CHSY3: variants seen among roughly 807,000 people sequenced by gnomAD.
The protein encoded by CHSY3 is chondroitin sulfate synthase 3, also known as N-acetylgalactosaminyl-proteoglycan 3-beta-glucuronosyltransferase 3.
A neutral mutation model predicts 67.2 loss-of-function variants in CHSY3; 35 were observed. The ratio of observed to expected loss-of-function variants is 0.52; its 90% confidence interval spans 0.40 to 0.69. The LOEUF is 0.69. CHSY3 is among the 30% of genes least tolerant of loss of function. CHSY3 has a pLI of 0.00. For missense variants in CHSY3, 1,069 were observed against 1,138.5 expected, an observed-to-expected ratio of 0.94 and a Z score of 0.88; for synonymous variants, 474 against 434.7, an observed-to-expected ratio of 1.09 and a Z score of -1.12.
chr5:129,967,383 T>C (rs929905141), intron 2 of CHSY3, among the ~76,000 whole-genome samples: 2 of 151,902 alleles, frequency 1.3e-5, no homozygotes, highest in African/African-American at 4.8e-5. Context: ...ATATATATGC[T>C]TATCTTGTTT....
rs548706016 is a variant in CHSY3 at position 130,010,490 on chromosome 5, G to A, written c.1086+102130G>A. Among the ~76,000 whole-genome samples, 9 of 152,278 alleles carry A rather than the reference G, an allele frequency of 5.9e-5. No homozygotes were observed. In the East Asian group the frequency reaches 1.5e-3, roughly 26 times the overall value. On this transcript the variant is annotated intron_variant, in intron 2 of 2. Transcript: ENST00000305031. ...TGTGACACAGCTAACACAGTGTTAA[G>A]AGGAAAGGTGATAGCACTAAGTGCA... is the stretch of plus-strand genomic sequence containing the variant.
intron 2 of CHSY3, among the ~76,000 whole-genome samples, chr5:130,097,584 G>A (rs1022855068): frequency 3.3e-5 from 5 of 152,210 alleles, no homozygotes; most frequent in South Asian, 4.1e-4. Context: ...ACACTGGTCT[G>A]ACTTTTTAGT....
At chr5:130,026,866 A>G (rs1404966626) in intron 2 of CHSY3, among the ~76,000 whole-genome samples, 1 of 152,124 alleles carries the variant, frequency 6.6e-6, no homozygotes, top group East Asian at 1.9e-4. Context: ...ACTTTTCTGT[A>G]ATTTGAGATA....
At chr5:130,147,749 G>A (rs1275871852) in intron 2 of CHSY3, among the ~76,000 whole-genome samples, 1 of 152,134 alleles carries the variant, frequency 6.6e-6, no homozygotes, top group African/African-American at 2.4e-5. Context: ...TGGAAAAGCA[G>A]GAATGAGAGC....
At chr5:130,127,845 T>A (rs976019489) in intron 2 of CHSY3, among the ~76,000 whole-genome samples, 5 of 152,160 alleles carry the variant, frequency 3.3e-5, no homozygotes, top group Admixed American at 2.6e-4. Flanking sequence ...TTATTATGAT[T>A]ATGCACTATT....
intron 2 of CHSY3, among the ~76,000 whole-genome samples, chr5:129,977,700 A>G (rs1762853848): frequency 6.6e-6 from 1 of 152,152 alleles, no homozygotes; most frequent in Non-Finnish European, 1.5e-5. Flanking sequence ...AGTAAAAAAT[A>G]TCAAGTTTTA....
intron 2 of CHSY3, among the ~76,000 whole-genome samples, chr5:130,106,376 G>A (rs1442857811): frequency 1.3e-5 from 2 of 151,608 alleles, no homozygotes; most frequent in Non-Finnish European, 3.0e-5. Flanking sequence ...ACTCCCAGCA[G>A]TACAGGAGAA....
At chr5:130,010,928 A>G (rs1386036899) in intron 2 of CHSY3, among the ~76,000 whole-genome samples, 1 of 101,408 alleles carries the variant, frequency 9.9e-6, no homozygotes. Flanking sequence ...AGAACTAGAA[A>G]GAAATTAAAA....
At chr5:130,075,376 A>G (rs1204515541) in intron 2 of CHSY3, among the ~76,000 whole-genome samples, 1 of 152,170 alleles carries the variant, frequency 6.6e-6, no homozygotes, top group African/African-American at 2.4e-5. Flanking sequence ...CTAGTCATAT[A>G]TTATATACTT....
At chr5:130,004,374 T>C (rs1011718107) in intron 2 of CHSY3, among the ~76,000 whole-genome samples, 5 of 152,202 alleles carry the variant, frequency 3.3e-5, no homozygotes, top group Non-Finnish European at 1.5e-5. Context: ...TATATTTGAG[T>C]ATAAGTGATA....
In CHSY3 at chr5:130,184,602, T is replaced by G. The variant is rs754280436; in HGVS notation, c.1460T>G (p.Leu487Arg). The change falls in exon 3 of 3, where the codon CTC becomes CGC. Residue 487 changes from leucine (L) to arginine (R), a missense_variant. Leu to Arg is a moderately radical substitution (Grantham distance 102, BLOSUM62 -2). This residue lies in a region of CHSY3 where 401 missense variants were observed against 395.2 expected (regional missense o/e 1.01). Coordinates refer to ENST00000305031, the MANE Select transcript of CHSY3 (RefSeq NM_175856.5). Reference sequence around the variant, plus strand: ...GAGAACCAGCCCCCTCGACAGAGCCTCAGTAGCATTTTAAGAACAGCACTG... The same window carrying G: ...GAGAACCAGCCCCCTCGACAGAGCCGCAGTAGCATTTTAAGAACAGCACTG... Reference protein sequence around the residue: ...AAENQPPRQSLSSILRTALDD... With the variant: ...AAENQPPRQSRSSILRTALDD... The G allele has an allele frequency of 1.9e-6, 3 of 1,611,828 alleles. No individual in the cohort carries two copies. The highest frequency in any genetic ancestry group is 1.7e-4 in the Middle Eastern group (1 of 6,058).
chr5:130,116,589 A>T (rs1767810855), intron 2 of CHSY3, among the ~76,000 whole-genome samples: 1 of 152,206 alleles, frequency 6.6e-6, no homozygotes, highest in African/African-American at 2.4e-5. Flanking sequence ...GTGATGAATT[A>T]TTCCACCGTC....
At chr5:130,157,925 G>A (rs1287730258) in intron 2 of CHSY3, among the ~76,000 whole-genome samples, 6 of 152,294 alleles carry the variant, frequency 3.9e-5, no homozygotes, top group Admixed American at 3.9e-4. Flanking sequence ...TCTGGATGTT[G>A]CCACGGCATC....
intron 2 of CHSY3, among the ~76,000 whole-genome samples, chr5:130,062,397 A>G (rs1408260520): frequency 6.6e-6 from 1 of 152,076 alleles, no homozygotes; most frequent in African/African-American, 2.4e-5. Flanking sequence ...GGACTCCAAA[A>G]GTGGAGAGGC....
chr5:129,921,021 C>T (rs760875465), intron 2 of CHSY3, among the ~76,000 whole-genome samples: 3 of 152,116 alleles, frequency 2.0e-5, no homozygotes, highest in East Asian at 1.9e-4. Context: ...GGTTTTGCCA[C>T]GTTATCCAGG....
chr5:129,977,842 A>T (rs1762859666), intron 2 of CHSY3, among the ~76,000 whole-genome samples: 1 of 150,398 alleles, frequency 6.6e-6, no homozygotes, highest in African/African-American at 2.4e-5. Flanking sequence ...TGACTTGCTC[A>T]GTATGACCAT....
At chr5:130,118,668 T>A (rs1454983603) in intron 2 of CHSY3, among the ~76,000 whole-genome samples, 1 of 152,172 alleles carries the variant, frequency 6.6e-6, no homozygotes, top group African/African-American at 2.4e-5. Flanking sequence ...TATCATCGAT[T>A]TCCTTTTTCC....
At chr5:129,986,761 G>T in intron 2 of CHSY3, among the ~76,000 whole-genome samples, 1 of 152,008 alleles carries the variant, frequency 6.6e-6, no homozygotes. Context: ...TCCTGCCCCA[G>T]CCCCCCAAGT....
intron 2 of CHSY3, among the ~76,000 whole-genome samples, chr5:130,088,814 C>T (rs7714625): frequency 0.012 from 1,850 of 152,138 alleles, 38 homozygotes; most frequent in African/African-American, 0.042. Flanking sequence ...GTCAGTGTGG[C>T]GATTCCTCAG....
Sources: gnomAD v4.1 joint callset for allele counts (sites outside exome capture counted in the v4.1 genomes callset) on GRCh38, gnomAD v4.1.1 for gene constraint, gnomAD v4.1.1 regional missense constraint, MANE v1.5 for transcripts, NCBI Gene and HGNC (gene_info 2026-07-23, HGNC 2026-07-21) for gene names.